Variants in BRMS1L observed in about 807,000 individuals in gnomAD.
BRMS1L encodes the protein breast cancer metastasis-suppressor 1-like protein.
BRMS1L carries 23 observed loss-of-function variants against 50.3 expected under a neutral mutation model. That is an observed-to-expected ratio of 0.46 (90% CI 0.33 to 0.65). The LOEUF (loss-of-function observed/expected upper bound fraction) is 0.65, where lower values mean the gene tolerates loss of function less well. Among genes scored for constraint, BRMS1L ranks in the 30% least tolerant of loss-of-function variants. BRMS1L has a pLI of 0.02. For missense variants in BRMS1L, 286 were observed against 386.1 expected (o/e 0.74, Z 2.17); for synonymous variants, 114 against 126.9 (o/e 0.90, Z 0.69).
intron 4 of BRMS1L, among the ~76,000 whole-genome samples, chr14:35,860,749 C>T (rs113623816): frequency 6.6e-6 from 1 of 152,018 alleles, no homozygotes; most frequent in Admixed American, 6.6e-5. Context: ...AGTGTGAGGT[C>T]GGTACAATAA....
Position 35,870,852 on chromosome 14 carries a change from T to C in BRMS1L, c.*375T>C, listed in dbSNP as rs1338618289. 2.5e-5 allele frequency: 4 copies of C among 158,378 alleles called. No homozygotes were observed. Among genetic ancestry groups the C allele is most frequent in the Non-Finnish European group, 5.5e-5 (4 of 72,262 alleles). The allele number at this position is 158,378 out of a possible 1,614,324, so 9.8% of individuals were successfully genotyped here. On this transcript the variant is annotated 3_prime_UTR_variant, in exon 10 of 10. Transcript: ENST00000216807. ...TTTTCCATATCTTTGTCATTCATTG[T>C]GTGTTTGTAAATAAGGCCGATAGAA...
chr14:35,857,356 C>T (rs1442677856), intron 4 of BRMS1L, among the ~76,000 whole-genome samples: 4 of 150,984 alleles, frequency 2.6e-5, no homozygotes, highest in African/African-American at 9.7e-5. Context: ...TTTTTGAAGG[C>T]ATAGCCTTAT....
chr14:35,867,496 C>G (rs146471727), intron 8 of BRMS1L, among the ~76,000 whole-genome samples: 39 of 152,240 alleles, frequency 2.6e-4, no homozygotes, highest in Middle Eastern at 3.4e-3. Context: ...CTGGGGAATG[C>G]TTGGAACATG....
chr14:35,861,816 A>G (rs1404961957), intron 4 of BRMS1L, among the ~76,000 whole-genome samples: 1 of 152,232 alleles, frequency 6.6e-6, no homozygotes, highest in East Asian at 1.9e-4. Flanking sequence ...AGACAGTCAT[A>G]TCTGCTATAT....
At chr14:35,834,054 C>T (rs902542923) in intron 3 of BRMS1L, among the ~76,000 whole-genome samples, 1 of 152,022 alleles carries the variant, frequency 6.6e-6, no homozygotes, top group African/African-American at 2.4e-5. Flanking sequence ...CTACTCTGGC[C>T]TCTTTTATAT....
intron 4 of BRMS1L, among the ~76,000 whole-genome samples, chr14:35,859,976 C>T (rs754560629): frequency 1.6e-4 from 25 of 151,876 alleles, no homozygotes; most frequent in Non-Finnish European, 3.7e-4. Flanking sequence ...TAAAAAAATT[C>T]GTATCTTCAG....
intron 1 of BRMS1L, among the ~76,000 whole-genome samples, chr14:35,830,876 A>G (rs1159685641): frequency 1.3e-5 from 2 of 152,152 alleles, no homozygotes; most frequent in Non-Finnish European, 2.9e-5. Context: ...GAATAAAAGT[A>G]AGAGGGTCTA....
At chr14:35,868,707 A>C (rs1253358237) in intron 9 of BRMS1L, among the ~76,000 whole-genome samples, 1 of 152,130 alleles carries the variant, frequency 6.6e-6, no homozygotes, top group African/African-American at 2.4e-5. Context: ...CAAGAGTTTG[A>C]GGCTGCAGCA....
At chr14:35,859,471 T>C (rs997670391) in intron 4 of BRMS1L, among the ~76,000 whole-genome samples, 2 of 152,340 alleles carry the variant, frequency 1.3e-5, no homozygotes, top group African/African-American at 4.8e-5. Flanking sequence ...TAAAGTCTCT[T>C]ACCATTTTGA....
In BRMS1L at chr14:35,850,324, C is replaced by T. The variant is rs534131367; in HGVS notation, c.442-12266C>T. On this transcript the variant is annotated intron_variant, in intron 4 of 9. Transcript: ENST00000216807. ...CTGGGTTCAAGCGATTCCCCTGCCT[C>T]AGCCTCCTGAGTAGCTGGGATTACA... 3.4e-4 allele frequency among the ~76,000 whole-genome samples: 51 copies of T among 151,900 alleles called. 1 individual carries two copies. Among genetic ancestry groups the T allele is most frequent in the African/African-American group, 1.2e-3 (50 of 41,396 alleles).
intron 4 of BRMS1L, among the ~76,000 whole-genome samples, chr14:35,861,767 C>T (rs755631728): frequency 1.3e-5 from 2 of 152,202 alleles, no homozygotes; most frequent in African/African-American, 4.8e-5. Flanking sequence ...GTGTTTTCTA[C>T]ATGTAGTCAT....
At chr14:35,843,690 C>G (rs1348226867) in intron 4 of BRMS1L, among the ~76,000 whole-genome samples, 2 of 152,218 alleles carry the variant, frequency 1.3e-5, no homozygotes, top group Non-Finnish European at 2.9e-5. Flanking sequence ...GCAGTCTGTC[C>G]CTTAGCAGAG....
chr14:35,854,668 G>A (rs145835161), intron 4 of BRMS1L, among the ~76,000 whole-genome samples: 18 of 152,160 alleles, frequency 1.2e-4, no homozygotes, highest in African/African-American at 4.1e-4. Context: ...ATTATCTAAG[G>A]TTCTTTGCTG....
In BRMS1L at chr14:35,829,781, ACT is replaced by A. The variant is rs1303877721; in HGVS notation, c.143-1626_143-1625del. On this transcript the variant is annotated intron_variant, in intron 1 of 9. Coordinates refer to ENST00000216807, the MANE Select transcript of BRMS1L (RefSeq NM_032352.4). ...TATAAAAATAATTGAACATGATTTA[ACT>A]CTTTCTCATAGTTTGACTTTTATTT... 16 of 1,138,214 alleles carry A rather than the reference ACT, an allele frequency of 1.4e-5. No individual in the cohort carries two copies. The Admixed American group carries it at 4.1e-4, about 29-fold the overall frequency. 70.5% of individuals were successfully genotyped at this position (1,138,214 alleles called of 1,614,324 possible).
In BRMS1L at chr14:35,831,497, A is replaced by C. The variant is rs114889124; in HGVS notation, c.230A>C (p.Asp77Ala). The C allele has an allele frequency of 1.7e-4, 273 of 1,611,558 alleles. 2 individuals carry two copies. The East Asian group carries it at 5.9e-3, about 35-fold the overall frequency. ...NLEKQFTDLK[D>A]QLYKERLSQV... ...GAAAAACAGTTTACCGATCTCAAAG[A>C]TCAGTAAGTAGTGACTTTAGAAGGC... Residue 77 changes from aspartate (D) to alanine (A), a missense_variant, in exon 2 of 10, where the codon GAT becomes GCT. Around this residue, in one of 5 missense-constraint regions of BRMS1L, gnomAD observed 160 missense variants for 240.6 expected, o/e 0.66. Coordinates refer to ENST00000216807, the MANE Select transcript of BRMS1L (RefSeq NM_032352.4).
intron 4 of BRMS1L, among the ~76,000 whole-genome samples, chr14:35,838,685 T>G (rs1165115107): frequency 2.0e-5 from 3 of 152,242 alleles, no homozygotes; most frequent in East Asian, 3.8e-4. Context: ...TTGAGAAGTG[T>G]CTGTTCATAT....
At chr14:35,827,639 G>T (rs1215916483) in intron 1 of BRMS1L, among the ~76,000 whole-genome samples, 15 of 152,160 alleles carry the variant, frequency 9.9e-5, no homozygotes, top group Admixed American at 9.8e-4. Context: ...ACTTCTTTGT[G>T]CAGCACTGGA....
Position 35,849,566 on chromosome 14 carries a change from A to G in BRMS1L, c.442-13024A>G, listed in dbSNP as rs1427774281. 3.3e-5 allele frequency among the ~76,000 whole-genome samples: 5 copies of G among 151,998 alleles called. No homozygotes were observed. The South Asian group carries it at 6.2e-4, about 19-fold the overall frequency. ...CTCCCAGCTTGGTCTCTCAAAATGT[A>G]GAAATTACAGGCATGAACCACTGCA... On this transcript the variant is annotated intron_variant, in intron 4 of 9. Coordinates refer to ENST00000216807, the MANE Select transcript of BRMS1L (RefSeq NM_032352.4).
At chr14:35,830,581 C>T (rs937863580) in intron 1 of BRMS1L, among the ~76,000 whole-genome samples, 7 of 152,016 alleles carry the variant, frequency 4.6e-5, no homozygotes, top group Non-Finnish European at 8.8e-5. Flanking sequence ...TGGTCTTGAA[C>T]GCTTGAGCTC....
Sources: gnomAD v4.1 joint callset for allele counts (sites outside exome capture counted in the v4.1 genomes callset) on GRCh38, gnomAD v4.1.1 for gene constraint, gnomAD v4.1.1 regional missense constraint, MANE v1.5 for transcripts, NCBI Gene and HGNC (gene_info 2026-07-23, HGNC 2026-07-21) for gene names.